DPP6: variants seen among roughly 807,000 people sequenced by gnomAD.
DPP6 encodes the protein dipeptidyl peptidase like 6.
In DPP6, 69 loss-of-function variants were observed where a neutral mutation model predicts 122.6. The ratio of observed to expected loss-of-function variants is 0.56; its 90% CI spans 0.46 to 0.69. The LOEUF (loss-of-function observed/expected upper bound fraction) is 0.69, where lower values mean the gene tolerates loss of function less well. DPP6 is among the 30% of genes least tolerant of loss of function. DPP6 has a pLI of 0.00. For synonymous variants in DPP6, 418 were observed against 433.1 expected, an observed-to-expected ratio of 0.97 and a Z score of 0.43; for missense variants, 928 against 1,116.9, an observed-to-expected ratio of 0.83 and a Z score of 2.41.
intron 4 of DPP6, among the ~76,000 whole-genome samples, chr7:154,550,975 A>G (rs1829590851): frequency 6.6e-6 from 1 of 152,032 alleles, no homozygotes; most frequent in African/African-American, 2.4e-5. Context: ...AATTTATAAA[A>G]GACAGCTGGA....
chr7:154,576,240 G>A (rs905020755), intron 5 of DPP6, among the ~76,000 whole-genome samples: 5 of 151,980 alleles, frequency 3.3e-5, no homozygotes, highest in South Asian at 2.1e-4. Context: ...AAATCAGGGC[G>A]CATCTCCGTC....
chr7:154,487,372 C>G (rs542620712), intron 3 of DPP6, among the ~76,000 whole-genome samples: 1 of 152,290 alleles, frequency 6.6e-6, no homozygotes, highest in East Asian at 1.9e-4. Context: ...CCTCCATCCT[C>G]CTACCTAATA....
chr7:154,755,148 T>TTAA lies in DPP6; in HGVS notation c.884-14269_884-14268insTAA, dbSNP rs757031105. On this transcript the variant is annotated intron_variant, in intron 8 of 25. Transcript: ENST00000377770. This position sits in a 1 kb window ranked among gnomAD's most constrained non-coding sequence, Gnocchi z 4.7. ...TCCCAGAACTTAAAGTAAAATAAAT[T>TTAA]AAAAAAAAAAAAAAAAGAAACTGAA... 3.0e-5 allele frequency among the ~76,000 whole-genome samples: 4 copies of TTAA among 131,582 alleles called. No individual in the cohort carries two copies. Among genetic ancestry groups the TTAA allele is most frequent in the Non-Finnish European group, 6.6e-5 (4 of 60,952 alleles). 86.3% of individuals were successfully genotyped at this position (131,582 alleles called of 152,430 possible).
intron 1 of DPP6, among the ~76,000 whole-genome samples, chr7:154,242,218 T>C (rs1415394828): frequency 6.6e-6 from 1 of 152,192 alleles, no homozygotes; most frequent in Non-Finnish European, 1.5e-5. Context: ...GACGTTGACA[T>C]GTACACACCC....
chr7:154,648,917 TAAAA>T (rs59039501), intron 6 of DPP6, among the ~76,000 whole-genome samples: 82,263 of 148,722 alleles, frequency 0.55, 23,107 homozygotes, highest in Admixed American at 0.65. Flanking sequence ...GACTCCATCT[TAAAA>T]AAAAAAAAAA....
At chr7:153,850,319 C>T in the DPP6 span, among the ~76,000 whole-genome samples, 3 of 152,096 alleles carry the variant, frequency 2.0e-5, no homozygotes, top group Non-Finnish European at 4.4e-5. Flanking sequence ...GGCTGAGGGG[C>T]TCCATCTCTT....
intron 4 of DPP6, among the ~76,000 whole-genome samples, chr7:154,546,168 C>T (rs931890567): frequency 4.7e-5 from 7 of 149,824 alleles, no homozygotes; most frequent in South Asian, 2.1e-4. Context: ...GGGTATGTAG[C>T]GATACAAAAA....
At chr7:154,097,580 G>A (rs1805419367) in intron 1 of DPP6, among the ~76,000 whole-genome samples, 1 of 152,252 alleles carries the variant, frequency 6.6e-6, no homozygotes, top group Non-Finnish European at 1.5e-5. Flanking sequence ...ATCACTATTT[G>A]AAGATGAAAT....
At chr7:153,886,204 G>T (rs1798904709), upstream of DPP6, among the ~76,000 whole-genome samples, 1 of 151,560 alleles carries the variant, frequency 6.6e-6, no homozygotes, top group Non-Finnish European at 1.5e-5. Flanking sequence ...GGCTTGGGTG[G>T]GTCTGCATAT....
At chr7:154,847,492 T>C (rs1802033674) in intron 16 of DPP6, among the ~76,000 whole-genome samples, 1 of 152,176 alleles carries the variant, frequency 6.6e-6, no homozygotes, top group African/African-American at 2.4e-5. Flanking sequence ...ATTATTGTTT[T>C]CCCCATATTC....
intron 1 of DPP6, among the ~76,000 whole-genome samples, chr7:154,015,513 C>T (rs1473364439): frequency 6.6e-6 from 1 of 152,286 alleles, no homozygotes; most frequent in East Asian, 1.9e-4. Flanking sequence ...TGCTCGCTTA[C>T]ATGTGGCCAG....
intron 3 of DPP6, among the ~76,000 whole-genome samples, chr7:154,485,900 T>G (rs913493814): frequency 6.6e-6 from 1 of 151,904 alleles, no homozygotes. Context: ...CCATTAACTC[T>G]TCATTTAACA....
At chr7:153,827,756 A>G in the DPP6 span, among the ~76,000 whole-genome samples, 2 of 152,102 alleles carry the variant, frequency 1.3e-5, no homozygotes, top group Non-Finnish European at 2.9e-5. Context: ...CCAAACTCCC[A>G]CCAGGATGGC....
chr7:154,862,487 G>A (rs1374973032), intron 17 of DPP6, among the ~76,000 whole-genome samples: 1 of 152,246 alleles, frequency 6.6e-6, no homozygotes, highest in Admixed American at 6.5e-5. Context: ...TGGGCAAGCT[G>A]GCATTTGGCT....
rs1048978404 is a variant in DPP6 at position 154,249,429 on chromosome 7, A to G, written c.243+196366A>G. 1.4e-4 allele frequency among the ~76,000 whole-genome samples: 21 copies of G among 152,232 alleles called. 1 individual carries two copies. Among genetic ancestry groups the G allele is most frequent in the African/African-American group, 5.1e-4 (21 of 41,466 alleles). On this transcript the variant is annotated intron_variant, in intron 1 of 25. Transcript: ENST00000377770. The stretch of plus-strand genomic sequence containing the variant: ...AGATAATAAAATTGCTTTTGAAAAG[A>G]TTACCTGACAACTGCACAAATAATT...
intron 1 of DPP6, among the ~76,000 whole-genome samples, chr7:154,362,144 T>C (rs111937465): frequency 0.039 from 6,004 of 152,298 alleles, 396 homozygotes; most frequent in African/African-American, 0.14. Context: ...CTCAGCGTCA[T>C]CCTTTCTTGT....
intron 1 of DPP6, among the ~76,000 whole-genome samples, chr7:154,002,596 T>C (rs56136241): frequency 0.24 from 36,969 of 151,904 alleles, 4,882 homozygotes; most frequent in East Asian, 0.4. Context: ...AGATAGGAGA[T>C]GGAATATGGG....
intron 1 of DPP6, among the ~76,000 whole-genome samples, chr7:154,254,473 A>G (rs73489319): frequency 0.046 from 6,954 of 152,274 alleles, 462 homozygotes; most frequent in African/African-American, 0.15. Context: ...TCGAATGAAA[A>G]CACTGTGGCT....
chr7:154,487,448 G>T (rs2151381062), intron 3 of DPP6, among the ~76,000 whole-genome samples: 1 of 152,312 alleles, frequency 6.6e-6, no homozygotes, highest in East Asian at 1.9e-4. Context: ...TCAAGGTCAA[G>T]CTCAAAATCA....
Sources: gnomAD v4.1 joint callset for allele counts (sites outside exome capture counted in the v4.1 genomes callset) on GRCh38, gnomAD v4.1.1 for gene constraint, Gnocchi (gnomAD v3.1) non-coding constraint, MANE v1.5 for transcripts, NCBI Gene and HGNC (gene_info 2026-07-23, HGNC 2026-07-21) for gene names.